PHACTR2: variants seen among roughly 807,000 people sequenced by gnomAD.
PHACTR2 encodes the protein chromosome 6 open reading frame 56.
In PHACTR2, 30 loss-of-function variants were observed where a neutral mutation model predicts 76.0. The observed-to-expected ratio is 0.39, with a 90% confidence interval of 0.30 to 0.54. The LOEUF (loss-of-function observed/expected upper bound fraction) is 0.54, where lower values mean the gene tolerates loss of function less well. Among genes scored for constraint, PHACTR2 ranks in the 20% least tolerant of loss-of-function variants. The pLI is 0.61. For missense variants in PHACTR2, 696 were observed against 781.1 expected, an observed-to-expected ratio of 0.89 and a Z score of 1.30; for synonymous variants, 292 against 292.5, an observed-to-expected ratio of 1.00 and a Z score of 0.02.
In PHACTR2 at chr6:143,682,440, C is replaced by T. The variant is rs568447561; in HGVS notation, c.46+4231C>T. Among the ~76,000 whole-genome samples, 3 of 152,214 alleles carry T rather than the reference C, an allele frequency of 2.0e-5. No individual in the cohort carries two copies. The East Asian group carries it at 5.8e-4, about 29-fold the overall frequency. On this transcript the variant is annotated intron_variant, in intron 1 of 12. Coordinates refer to ENST00000440869, the MANE Select transcript of PHACTR2 (RefSeq NM_001100164.2). The stretch of plus-strand genomic sequence containing the variant: ...GTGTTGCCCAGGCTGGTCTCAAATT[C>T]GAGATCTCAAGAGATCCACCCACCT...
rs1282070260 is a variant in PHACTR2 at position 143,561,429 on chromosome 6, G to A, written c.217+24222G>A. 3 of 149,774 alleles carry A rather than the reference G, an allele frequency of 2.0e-5. No individual in the cohort carries two copies. The highest frequency in any genetic ancestry group is 1.3e-4 in the Admixed American group (2 of 15,122). The allele number at this position is 149,774 out of a possible 1,614,324, so 9.3% of individuals were successfully genotyped here. On this transcript the variant is annotated intron_variant, in intron 1 of 11. Transcript: ENST00000367584. This position sits in a 1 kb window ranked among gnomAD's most constrained non-coding sequence, Gnocchi z 4.1. ...AGAAGAACGTTCAGGAAGAAATTTT[G>A]TGGTGATCACCACCCAGGTCCTGTG...
At chr6:143,620,774 C>A (rs982974330) in intron 1 of PHACTR2, among the ~76,000 whole-genome samples, 1 of 152,190 alleles carries the variant, frequency 6.6e-6, no homozygotes, top group African/African-American at 2.4e-5. Flanking sequence ...AGGGGGAAAG[C>A]CAGGCACAGT....
intron 6 of PHACTR2, among the ~76,000 whole-genome samples, chr6:143,771,136 ATATATATG>A (rs1417399247): frequency 2.6e-5 from 1 of 38,666 alleles, no homozygotes; most frequent in Admixed American, 3.6e-4. Context: ...CTTTACATAT[ATATATATG>A]TATATATATA....
chr6:143,607,684 T>C (rs1300889388), upstream of PHACTR2, among the ~76,000 whole-genome samples: 1 of 152,180 alleles, frequency 6.6e-6, no homozygotes, highest in Non-Finnish European at 1.5e-5. Context: ...CTTCCTAATA[T>C]TTATTTGGAA....
chr6:143,619,624 T>G lies in PHACTR2; in HGVS notation c.13+11302T>G, dbSNP rs1310183474. Among the ~76,000 whole-genome samples the G allele has an allele frequency of 1.3e-5, 2 of 152,212 alleles. No individual in the cohort carries two copies. Among genetic ancestry groups the G allele is most frequent in the African/African-American group, 4.8e-5 (2 of 41,456 alleles). ...TCCTCCACTTACTGTGGAAAGGGAC[T>G]CGGTAGCTTTTGTATCATTAACTGA... On this transcript the variant is annotated intron_variant, in intron 1 of 11. Coordinates refer to the PHACTR2 transcript ENST00000305766. This position sits in a 1 kb window ranked among gnomAD's most constrained non-coding sequence, Gnocchi z 4.5.
Position 143,541,842 on chromosome 6 carries a change from T to C in PHACTR2, c.217+4635T>C, listed in dbSNP as rs2128426381. 6.6e-6 allele frequency among the ~76,000 whole-genome samples: 1 copy of C among 152,322 alleles called. No homozygotes were observed. The highest frequency in any genetic ancestry group is 2.4e-5 in the African/African-American group (1 of 41,574). Reference sequence around the variant, plus strand: ...CTTGTGCTTGCTTATCCCTTGCTGGTGCTTCTACTATGTTTCTTACTGACC... The same window carrying C: ...CTTGTGCTTGCTTATCCCTTGCTGGCGCTTCTACTATGTTTCTTACTGACC... On this transcript the variant is annotated intron_variant, in intron 1 of 11. Coordinates refer to the PHACTR2 transcript ENST00000367584. This position sits in a 1 kb window ranked among gnomAD's most constrained non-coding sequence, Gnocchi z 5.3.
Position 143,554,467 on chromosome 6 carries a change from T to C in PHACTR2, c.217+17260T>C, listed in dbSNP as rs900589754. 3.9e-5 allele frequency: 6 copies of C among 151,970 alleles called. No homozygotes were observed. The highest frequency in any genetic ancestry group is 1.5e-4 in the African/African-American group (6 of 41,320). The allele number at this position is 151,970 out of a possible 1,614,324, so 9.4% of individuals were successfully genotyped here. ...AAAATAACTTATAGCCAAGGAGCAGTGTATCTTGCTCCTTGGCTATAAATT... is the reference window on the plus strand; with the variant it reads ...AAAATAACTTATAGCCAAGGAGCAGCGTATCTTGCTCCTTGGCTATAAATT... On this transcript the variant is annotated intron_variant, in intron 1 of 11. Transcript: ENST00000367584. The surrounding 1 kb of genome is among the most constrained non-coding windows in gnomAD (Gnocchi z 5.9).
rs917968073 is a variant in PHACTR2 at position 143,776,819 on chromosome 6, A to C, written c.1590-509A>C. On this transcript the variant is annotated intron_variant, in intron 8 of 12. Transcript: ENST00000440869. The surrounding 1 kb of genome is among the most constrained non-coding windows in gnomAD (Gnocchi z 5.3). ...GTATGGTGGGAGCATGGCTCCTTGAAGTCTGCCTGGCAGCCCCATTCCTTC... is the reference window on the plus strand; with the variant it reads ...GTATGGTGGGAGCATGGCTCCTTGACGTCTGCCTGGCAGCCCCATTCCTTC... Among the ~76,000 whole-genome samples the C allele has an allele frequency of 1.3e-5, 2 of 152,220 alleles. No homozygotes were observed. The highest frequency in any genetic ancestry group is 2.9e-5 in the Non-Finnish European group (2 of 68,040).
rs561399686 is a variant in PHACTR2, at chr6:143,767,203, A to C, written c.1232+1405A>C. Among the ~76,000 whole-genome samples the C allele has an allele frequency of 6.6e-6, 1 of 152,328 alleles. No individual in the cohort carries two copies. The highest frequency in any genetic ancestry group is 6.5e-5 in the Admixed American group (1 of 15,300). On this transcript the variant is annotated intron_variant, in intron 6 of 12. Transcript: ENST00000440869. The surrounding 1 kb of genome is among the most constrained non-coding windows in gnomAD (Gnocchi z 4.4). The stretch of plus-strand genomic sequence containing the variant: ...TCCCAAAAGTATCCCTGTTTTATAG[A>C]TAAGAAAACTGGCACTGAGAGAGCT...
At chr6:143,741,978 A>G (rs2051010) in intron 2 of PHACTR2, among the ~76,000 whole-genome samples, 102,400 of 151,552 alleles carry the variant, frequency 0.68, 34,690 homozygotes, top group African/African-American at 0.74. Context: ...GGTGGCGGGC[A>G]CCTGTAATCC....
upstream of PHACTR2, among the ~76,000 whole-genome samples, chr6:143,605,860 A>G (rs1370376344): frequency 1.3e-5 from 2 of 152,214 alleles, no homozygotes; most frequent in East Asian, 3.8e-4. This position sits in a 1 kb window ranked among gnomAD's most constrained non-coding sequence, Gnocchi z 5.0. Flanking sequence ...GACAAATTAT[A>G]ACTGTATATA....
At chr6:143,798,824 C>T (rs777016026) in intron 11 of PHACTR2, among the ~76,000 whole-genome samples, 7 of 152,166 alleles carry the variant, frequency 4.6e-5, no homozygotes, top group African/African-American at 1.2e-4. Context: ...TGATGTTCAT[C>T]GGGGATATTG....
chr6:143,794,566 G>A lies in PHACTR2; in HGVS notation c.1845+5656G>A, dbSNP rs1244564097. Among the ~76,000 whole-genome samples the A allele has an allele frequency of 6.6e-6, 1 of 152,056 alleles. No homozygotes were observed. The highest frequency in any genetic ancestry group is 2.4e-5 in the African/African-American group (1 of 41,388). On this transcript the variant is annotated intron_variant, in intron 11 of 12. Transcript: ENST00000440869. The surrounding 1 kb of genome is among the most constrained non-coding windows in gnomAD (Gnocchi z 4.1). ...CCAAGTGCTTTGAGAGGGTGAGTTGGGTGGATCACTTGAGGTCAGGAGTTC... is the reference window on the plus strand; with the variant it reads ...CCAAGTGCTTTGAGAGGGTGAGTTGAGTGGATCACTTGAGGTCAGGAGTTC...
At chr6:143,668,225 C>T (rs750498597) in intron 1 of PHACTR2, among the ~76,000 whole-genome samples, 8 of 152,080 alleles carry the variant, frequency 5.3e-5, no homozygotes, top group Non-Finnish European at 1.2e-4. Context: ...CGGATGCAGC[C>T]GACTTGATCG....
chr6:143,776,960 C>T lies in PHACTR2; in HGVS notation c.1590-368C>T, dbSNP rs1474872127. On this transcript the variant is annotated intron_variant, in intron 8 of 12. Transcript: ENST00000440869. This position sits in a 1 kb window ranked among gnomAD's most constrained non-coding sequence, Gnocchi z 5.3. Reference sequence around the variant, plus strand: ...AAGGAAAGAGAAAGAAGGGAGCATGCACCCAGGCATTTTAAGGATGAGAAG... The same window carrying T: ...AAGGAAAGAGAAAGAAGGGAGCATGTACCCAGGCATTTTAAGGATGAGAAG... Among the ~76,000 whole-genome samples the T allele has an allele frequency of 6.6e-6, 1 of 152,218 alleles. No homozygotes were observed. The highest frequency in any genetic ancestry group is 1.5e-5 in the Non-Finnish European group (1 of 68,032).
At chr6:143,732,184 A>G (rs141699818) in intron 2 of PHACTR2, among the ~76,000 whole-genome samples, 301 of 152,340 alleles carry the variant, frequency 2.0e-3, no homozygotes, top group Middle Eastern at 6.8e-3. Flanking sequence ...AACGTGTGCA[A>G]CTCAATAGGT....
chr6:143,738,255 G>A lies in PHACTR2; in HGVS notation c.215-10730G>A, dbSNP rs1778864386. 6.6e-6 allele frequency among the ~76,000 whole-genome samples: 1 copy of A among 152,104 alleles called. No homozygotes were observed. Among genetic ancestry groups the A allele is most frequent in the Non-Finnish European group, 1.5e-5 (1 of 68,022 alleles). On this transcript the variant is annotated intron_variant, in intron 2 of 12. Coordinates refer to ENST00000440869, the MANE Select transcript of PHACTR2 (RefSeq NM_001100164.2). The surrounding 1 kb of genome is among the most constrained non-coding windows in gnomAD (Gnocchi z 4.0). ...AATCCCAGCTACTCAGGAGGCTGAG[G>A]CAGGAGAATCGCTTGACCCGGGAGG...
intron 1 of PHACTR2, among the ~76,000 whole-genome samples, chr6:143,694,346 T>C (rs1310457444): frequency 6.6e-6 from 1 of 152,136 alleles, no homozygotes; most frequent in Non-Finnish European, 1.5e-5. Context: ...AATACCAGTA[T>C]CTTGTGATTG....
intron 11 of PHACTR2, among the ~76,000 whole-genome samples, chr6:143,802,142 C>G (rs1775971135): frequency 6.6e-6 from 1 of 152,172 alleles, no homozygotes; most frequent in South Asian, 2.1e-4. Flanking sequence ...CCTTTTTCCT[C>G]TCTATAATTC....
Sources: allele counts gnomAD v4.1 joint callset (sites outside exome capture counted in the v4.1 genomes callset), GRCh38; gene constraint gnomAD v4.1.1; non-coding constraint Gnocchi (gnomAD v3.1); transcripts MANE v1.5; gene names NCBI Gene and HGNC (gene_info 2026-07-23, HGNC 2026-07-21).